ALK: variants seen among roughly 807,000 people sequenced by gnomAD.
ALK encodes the protein ALK receptor tyrosine kinase.
A neutral mutation model predicts 163.1 loss-of-function variants in ALK; 74 were observed. The ratio of observed to expected loss-of-function variants is 0.45; its 90% CI spans 0.38 to 0.55. The LOEUF is 0.55. ALK is among the 20% of genes least tolerant of loss of function. The pLI is 0.00. For synonymous variants in ALK, 960 were observed against 843.2 expected (o/e 1.14, Z -2.40); for missense variants, 2,063 against 2,105.3 (o/e 0.98, Z 0.39).
At chr2:29,828,885 C>A (rs1451818548) in intron 1 of ALK, among the ~76,000 whole-genome samples, 12 of 150,972 alleles carry the variant, frequency 7.9e-5, no homozygotes, top group African/African-American at 1.2e-4. Context: ...TTGTGGCACT[C>A]TTCACAATAG....
At chr2:29,688,199 T>C (rs1394444427) in intron 3 of ALK, among the ~76,000 whole-genome samples, 1 of 151,776 alleles carries the variant, frequency 6.6e-6, no homozygotes, top group Non-Finnish European at 1.5e-5. Flanking sequence ...GGTGAAGGAG[T>C]CCCTGGCCAG....
At chr2:29,810,296 C>T (rs1664724221) in intron 1 of ALK, among the ~76,000 whole-genome samples, 2 of 151,850 alleles carry the variant, frequency 1.3e-5, no homozygotes, top group African/African-American at 4.8e-5. Flanking sequence ...GTGGTGGTTG[C>T]CTGTAATTCC....
chr2:29,206,581 A>G (rs1424752824), intron 26 of ALK, among the ~76,000 whole-genome samples: 1 of 151,920 alleles, frequency 6.6e-6, no homozygotes, highest in Non-Finnish European at 1.5e-5. Context: ...CTACACCCCT[A>G]CTTTCAATTT....
chr2:29,818,390 G>A (rs1370079481), intron 1 of ALK, among the ~76,000 whole-genome samples: 2 of 152,104 alleles, frequency 1.3e-5, no homozygotes, highest in African/African-American at 4.8e-5. Flanking sequence ...TTTTAATCAC[G>A]CTCTCTGGGC....
chr2:29,259,133 G>A (rs1416772445), intron 11 of ALK, among the ~76,000 whole-genome samples: 2 of 152,054 alleles, frequency 1.3e-5, no homozygotes, highest in Non-Finnish European at 2.9e-5. Context: ...ATGTCTCTCA[G>A]AAACACATGT....
chr2:29,566,037 G>C (rs748525892), intron 3 of ALK, among the ~76,000 whole-genome samples: 5 of 152,114 alleles, frequency 3.3e-5, no homozygotes, highest in Non-Finnish European at 7.3e-5. Flanking sequence ...GAGATGCTCC[G>C]TATGAGAGGT....
At chr2:29,711,428 T>C (rs1254339880) in intron 2 of ALK, among the ~76,000 whole-genome samples, 1 of 152,192 alleles carries the variant, frequency 6.6e-6, no homozygotes, top group African/African-American at 2.4e-5. Flanking sequence ...CCTCTGTTAC[T>C]GCATTTGTCA....
chr2:29,258,026 A>G (rs1664992085), intron 11 of ALK, among the ~76,000 whole-genome samples: 2 of 152,168 alleles, frequency 1.3e-5, no homozygotes, highest in South Asian at 4.1e-4. Flanking sequence ...TTCTGTAGAG[A>G]TGAGGTCTCA....
intron 4 of ALK, among the ~76,000 whole-genome samples, chr2:29,494,293 G>A (rs1290426743): frequency 6.6e-6 from 1 of 152,160 alleles, no homozygotes; most frequent in Non-Finnish European, 1.5e-5. Context: ...ACCTGGTACT[G>A]GTCTGCTCTG....
chr2:29,464,435 A>G (rs1270266270), intron 4 of ALK, among the ~76,000 whole-genome samples: 2 of 152,218 alleles, frequency 1.3e-5, no homozygotes, highest in African/African-American at 4.8e-5. Context: ...AGCCATCATA[A>G]TATACTGGCA....
intron 3 of ALK, among the ~76,000 whole-genome samples, chr2:29,600,306 T>C (rs58101143): frequency 5.3e-5 from 8 of 152,124 alleles, no homozygotes; most frequent in African/African-American, 1.9e-4. Flanking sequence ...ACAGAGCTGA[T>C]AGAGTAACAT....
intron 4 of ALK, among the ~76,000 whole-genome samples, chr2:29,480,266 TA>T (rs1229004776): frequency 2.6e-5 from 4 of 152,164 alleles, no homozygotes; most frequent in Non-Finnish European, 4.4e-5. Flanking sequence ...GGCGAGGCTT[TA>T]GATTTATTTA....
intron 4 of ALK, among the ~76,000 whole-genome samples, chr2:29,431,065 C>T (rs986888736): frequency 1.3e-5 from 2 of 151,384 alleles, no homozygotes; most frequent in African/African-American, 4.9e-5. Flanking sequence ...ATCACTTCCA[C>T]CAAAGACAGA....
intron 1 of ALK, chr2:29,890,488 G>A (rs758935832): frequency 6.6e-6 from 1 of 152,206 alleles, no homozygotes; most frequent in Non-Finnish European, 1.5e-5. Context: ...CATTTTAGGG[G>A]ACAGGATTGC....
chr2:29,704,882 T>G (rs1171930043), intron 2 of ALK, among the ~76,000 whole-genome samples: 2 of 152,070 alleles, frequency 1.3e-5, no homozygotes, highest in African/African-American at 4.8e-5. Flanking sequence ...ATTTAACCAC[T>G]TGAGTCTTGG....
chr2:29,906,937 GTTTTTTTT>G (rs70962250), intron 1 of ALK, among the ~76,000 whole-genome samples: 10 of 80,040 alleles, frequency 1.2e-4, no homozygotes, highest in African/African-American at 3.6e-4. Context: ...TACATTTAAG[GTTTTTTTT>G]TTTTTTTTTT....
intron 2 of ALK, among the ~76,000 whole-genome samples, chr2:29,709,971 C>A (rs906573757): frequency 6.6e-6 from 1 of 152,066 alleles, no homozygotes; most frequent in Non-Finnish European, 1.5e-5. Flanking sequence ...TTGTCTGTGC[C>A]CCCACCCAAA....
intron 1 of ALK, among the ~76,000 whole-genome samples, chr2:29,894,887 C>T (rs535449532): frequency 1.8e-4 from 27 of 151,686 alleles, no homozygotes; most frequent in African/African-American, 6.3e-4. Context: ...CCCCGACATA[C>T]TCCTCTTAAA....
chr2:29,421,878 A>G (rs180795365), intron 4 of ALK, among the ~76,000 whole-genome samples: 75 of 151,764 alleles, frequency 4.9e-4, no homozygotes, highest in South Asian at 1.5e-3. Flanking sequence ...ACTCTACAGA[A>G]CACCCCACTG....
Sources: allele counts gnomAD v4.1 joint callset (sites outside exome capture counted in the v4.1 genomes callset), GRCh38; gene constraint gnomAD v4.1.1; transcripts MANE v1.5; gene names NCBI Gene and HGNC (gene_info 2026-07-23, HGNC 2026-07-21).